Variants in ZNF331 observed in about 807,000 individuals in gnomAD.
ZNF331 encodes C2H2-like zinc finger protein rearranged in thyroid adenomas.
A neutral mutation model predicts 7.0 loss-of-function variants in ZNF331; 2 were observed. The observed-to-expected ratio is 0.29, with a 90% CI of 0.12 to 0.90. The LOEUF is 0.90. ZNF331 is among the 40% of genes least tolerant of loss of function. The pLI is 0.58. For synonymous variants in ZNF331, 196 were observed against 205.4 expected, an observed-to-expected ratio of 0.95 and a Z score of 0.39; for missense variants, 432 against 587.7, an observed-to-expected ratio of 0.74 and a Z score of 2.74.
upstream of ZNF331, among the ~76,000 whole-genome samples, chr19:53,519,420 C>T (rs2086985669): frequency 6.6e-6 from 1 of 152,176 alleles, no homozygotes; most frequent in Non-Finnish European, 1.5e-5. Context: ...AACCACCTGA[C>T]CACAAGGCGA....
At chr19:53,544,815 C>T (rs2088481889) in intron 2 of ZNF331, among the ~76,000 whole-genome samples, 1 of 150,064 alleles carries the variant, frequency 6.7e-6, no homozygotes, top group Non-Finnish European at 1.5e-5. Flanking sequence ...CTCACTGCAA[C>T]CTCCACCTTC....
intron 2 of ZNF331, among the ~76,000 whole-genome samples, chr19:53,550,210 A>G (rs1400679012): frequency 6.6e-6 from 1 of 152,186 alleles, no homozygotes; most frequent in Admixed American, 6.6e-5. Context: ...TGCTGCCGCT[A>G]TTAGAGAGAT....
chr19:53,510,250 G>A, the ZNF331 span, among the ~76,000 whole-genome samples: 5 of 152,112 alleles, frequency 3.3e-5, no homozygotes, highest in Non-Finnish European at 1.5e-5. Flanking sequence ...TTTCTTCTGA[G>A]TTTCTTGAAA....
chr19:53,509,470 T>C, the ZNF331 span, among the ~76,000 whole-genome samples: 3 of 149,838 alleles, frequency 2.0e-5, no homozygotes, highest in Non-Finnish European at 3.0e-5. Flanking sequence ...GAGAAGGTGG[T>C]TGGAGATGGC....
intron 2 of ZNF331, among the ~76,000 whole-genome samples, chr19:53,554,016 C>A (rs1267393935): frequency 6.6e-6 from 1 of 152,210 alleles, no homozygotes; most frequent in Non-Finnish European, 1.5e-5. Context: ...CCCCCAGGAA[C>A]TTAAGGCGCT....
At position 53,576,556 on chromosome 19, in the gene ZNF331, C is replaced by T. The variant is rs1318128918; in HGVS notation, c.137-141C>T. On this transcript the variant is annotated intron_variant, in intron 5 of 5. Transcript: ENST00000449416. ...AGTATTGTACCAGAAGTAGAATCTACATTTTAACAAGAGCCCTGGGTGATT... is the reference window on the plus strand; with the variant it reads ...AGTATTGTACCAGAAGTAGAATCTATATTTTAACAAGAGCCCTGGGTGATT... 3 of 677,868 alleles carry T rather than the reference C, an allele frequency of 4.4e-6. No homozygotes were observed. In the South Asian group the frequency reaches 7.4e-5, roughly 17 times the overall value. The allele number at this position is 677,868 out of a possible 1,614,324, so 42.0% of individuals were successfully genotyped here.
At chr19:53,575,932 T>A (rs992133874) in intron 5 of ZNF331, among the ~76,000 whole-genome samples, 1 of 152,096 alleles carries the variant, frequency 6.6e-6, no homozygotes, top group Non-Finnish European at 1.5e-5. Flanking sequence ...TCTGCCCACC[T>A]CGGCCTCCCA....
chr19:53,544,369 C>A (rs775379616), intron 2 of ZNF331, among the ~76,000 whole-genome samples: 1 of 150,068 alleles, frequency 6.7e-6, no homozygotes, highest in Non-Finnish European at 1.5e-5. Context: ...CACGGTGAAA[C>A]CCCATCTCTA....
At chr19:53,514,074 A>C in the ZNF331 span, among the ~76,000 whole-genome samples, 2 of 152,220 alleles carry the variant, frequency 1.3e-5, no homozygotes, top group African/African-American at 4.8e-5. Flanking sequence ...GTTATATTTC[A>C]CAGCTCCCTC....
intron 2 of ZNF331, among the ~76,000 whole-genome samples, chr19:53,553,683 C>T (rs1368670292): frequency 6.6e-6 from 1 of 152,230 alleles, no homozygotes; most frequent in Non-Finnish European, 1.5e-5. Context: ...CTGGGCATAA[C>T]TGCTGCCTGT....
chr19:53,557,155 G>A (rs1402872910), intron 3 of ZNF331, among the ~76,000 whole-genome samples: 2 of 150,954 alleles, frequency 1.3e-5, no homozygotes, highest in East Asian at 2.0e-4. Flanking sequence ...ACAGGGTCTT[G>A]CCATGTTGCC....
rs540458656 is a variant in ZNF331 at position 53,567,564 on chromosome 19, G to A, written c.-73-1740G>A. Among the ~76,000 whole-genome samples, 76 of 152,200 alleles carry A rather than the reference G, an allele frequency of 5.0e-4. No homozygotes were observed. The Middle Eastern group carries it at 0.017, about 34-fold the overall frequency. The stretch of plus-strand genomic sequence containing the variant: ...CGCCCTCAGGTTCAACAGTTCACTA[G>A]AGCCAGGCATGGTGACTCATGCCTA... On this transcript the variant is annotated intron_variant, in intron 3 of 5. Coordinates refer to ENST00000449416, the MANE Select transcript of ZNF331 (RefSeq NM_001079906.2).
At chr19:53,553,792 C>T (rs983928876) in intron 2 of ZNF331, among the ~76,000 whole-genome samples, 14 of 152,184 alleles carry the variant, frequency 9.2e-5, no homozygotes, top group African/African-American at 3.1e-4. Flanking sequence ...TCCAGAGGGG[C>T]TAGGAGAGGA....
At chr19:53,515,468 T>C (rs2086881260), upstream of ZNF331, among the ~76,000 whole-genome samples, 1 of 152,206 alleles carries the variant, frequency 6.6e-6, no homozygotes, top group East Asian at 1.9e-4. Context: ...CCTCCATCCT[T>C]CGTTCATTGT....
At chr19:53,520,938 A>C (rs992356888), upstream of ZNF331, 1 of 151,984 alleles carries the variant, frequency 6.6e-6, no homozygotes. Context: ...CGCCGTGTAG[A>C]GTTGCATGCT....
In ZNF331 at chr19:53,550,843, C is replaced by CTT. The variant is rs752603959; in HGVS notation, c.-137-4988_-137-4987dup. 3.0e-3 allele frequency among the ~76,000 whole-genome samples: 387 copies of CTT among 129,520 alleles called. 1 individual carries two copies. The highest frequency in any genetic ancestry group is 4.0e-3 in the Non-Finnish European group (243 of 61,006). The allele number at this position is 129,520 out of a possible 152,430, so 85.0% of individuals were successfully genotyped here. ...TGAGCCACCATGCCTGGCCGTTAATCTTTTTTTTTTTTTTTCTTTTTTTTT... is the reference window on the plus strand; with the variant it reads ...TGAGCCACCATGCCTGGCCGTTAATCTTTTTTTTTTTTTTTTTCTTTTTTTTT... On this transcript the variant is annotated intron_variant, in intron 2 of 5. Coordinates refer to ENST00000449416, the MANE Select transcript of ZNF331 (RefSeq NM_001079906.2).
chr19:53,569,101 C>G (rs1159032254), intron 3 of ZNF331, among the ~76,000 whole-genome samples: 2 of 152,058 alleles, frequency 1.3e-5, no homozygotes, highest in East Asian at 3.9e-4. Flanking sequence ...TGTGATCCAC[C>G]CACCTCGGCC....
intron 5 of ZNF331, among the ~76,000 whole-genome samples, chr19:53,575,884 G>A (rs1229018322): frequency 1.3e-5 from 2 of 151,616 alleles, no homozygotes; most frequent in African/African-American, 2.4e-5. Flanking sequence ...GGATTTCACC[G>A]TGTTGGCCAG....
chr19:53,553,641 G>A (rs751967430), intron 2 of ZNF331, among the ~76,000 whole-genome samples: 1 of 152,186 alleles, frequency 6.6e-6, no homozygotes, highest in Non-Finnish European at 1.5e-5. Flanking sequence ...TAGACCCTGT[G>A]ACATTAGTAC....
Sources: allele counts gnomAD v4.1 joint callset (sites outside exome capture counted in the v4.1 genomes callset), GRCh38; gene constraint gnomAD v4.1.1; transcripts MANE v1.5; gene names NCBI Gene and HGNC (gene_info 2026-07-23, HGNC 2026-07-21).